The following ARHGAP42 variants were observed in gnomAD, a reference collection of about 807,000 sequenced individuals.
ARHGAP42 encodes the protein Rho GTPase activating protein 42, also known as rho GTPase-activating protein 42.
ARHGAP42 carries 63 observed loss-of-function variants against 125.0 expected under a neutral mutation model. That is an observed-to-expected ratio of 0.50 (90% CI 0.41 to 0.62). ARHGAP42 has a LOEUF of 0.62. Ranked by LOEUF, ARHGAP42 falls within the 20% of genes least tolerant of loss-of-function variation. ARHGAP42 has a pLI of 0.00. For synonymous variants in ARHGAP42, 339 were observed against 351.0 expected, an observed-to-expected ratio of 0.97 and a Z score of 0.38; for missense variants, 766 against 1,024.2, an observed-to-expected ratio of 0.75 and a Z score of 3.44.
At chr11:100,769,834 G>T (rs1053052569) in intron 1 of ARHGAP42, among the ~76,000 whole-genome samples, 1 of 150,924 alleles carries the variant, frequency 6.6e-6, no homozygotes, top group African/African-American at 2.4e-5. Flanking sequence ...CCAGGGGGAG[G>T]TGTAGGGGGA....
At position 100,971,639 on chromosome 11, in the gene ARHGAP42, C is replaced by T. The variant is rs117183210; in HGVS notation, c.1551-1536C>T. ...TTCAAAACCAAGTTTTTGAGATTCC[C>T]AAGTTTACTCCTAATGAGCTTAATA... On this transcript the variant is annotated intron_variant, in intron 17 of 23. Coordinates refer to ENST00000298815, the MANE Select transcript of ARHGAP42 (RefSeq NM_152432.4). Among the ~76,000 whole-genome samples, 637 of 152,232 alleles carry T rather than the reference C, an allele frequency of 4.2e-3. 1 individual carries two copies. Among genetic ancestry groups the T allele is most frequent in the Non-Finnish European group, 6.8e-3 (463 of 68,020 alleles).
At chr11:100,927,663 G>GCTCAATTGTAATAGAGATA (rs1867464415) in intron 6 of ARHGAP42, among the ~76,000 whole-genome samples, 2 of 152,274 alleles carry the variant, frequency 1.3e-5, no homozygotes, top group Middle Eastern at 3.4e-3. Flanking sequence ...GAGCTGTAAA[G>GCTCAATTGTAATAGAGATA]ATAAGCTGGC....
Position 100,993,067 on chromosome 11 carries a change from G to A in ARHGAP42, c.*4266G>A, listed in dbSNP as rs1221726460. ...CACCATTCAAGATGCCTGTGTACAC[G>A]GCTATTTGGGAAACTTAAGTGTTGG... On this transcript the variant is annotated 3_prime_UTR_variant, in exon 24 of 24. Coordinates refer to ENST00000298815, the MANE Select transcript of ARHGAP42 (RefSeq NM_152432.4). The A allele has an allele frequency of 1.0e-4, 19 of 188,670 alleles. No homozygotes were observed. 11.7% of individuals were successfully genotyped at this position (188,670 alleles called of 1,614,324 possible). A position where few individuals can be genotyped will look rare whatever the true frequency, so the allele number is the denominator to read the frequency against.
chr11:100,836,451 C>T (rs1565234841), intron 3 of ARHGAP42, among the ~76,000 whole-genome samples: 1 of 151,876 alleles, frequency 6.6e-6, no homozygotes, highest in Non-Finnish European at 1.5e-5. Context: ...ATTGACCATG[C>T]AATATTTATG....
intron 17 of ARHGAP42, among the ~76,000 whole-genome samples, chr11:100,971,301 T>A (rs1858239175): frequency 6.6e-6 from 1 of 152,198 alleles, no homozygotes; most frequent in African/African-American, 2.4e-5. Flanking sequence ...GTTCTACCAT[T>A]TCCATAAGTA....
intron 4 of ARHGAP42, among the ~76,000 whole-genome samples, chr11:100,873,036 C>T (rs781270349): frequency 7.2e-5 from 11 of 152,132 alleles, no homozygotes; most frequent in Non-Finnish European, 1.5e-4. Flanking sequence ...TCTGGCTAAC[C>T]AGGGGAGGCT....
chr11:100,928,015 C>T (rs909704681), intron 6 of ARHGAP42, among the ~76,000 whole-genome samples: 1 of 152,156 alleles, frequency 6.6e-6, no homozygotes, highest in Admixed American at 6.5e-5. Context: ...AACTCCTTTG[C>T]ACATCTATGC....
intron 6 of ARHGAP42, among the ~76,000 whole-genome samples, chr11:100,932,155 A>G (rs1867596964): frequency 6.6e-6 from 1 of 152,218 alleles, no homozygotes; most frequent in Non-Finnish European, 1.5e-5. Context: ...GTTGGAAATC[A>G]TAGCACATGT....
chr11:100,915,706 A>G (rs767314355), intron 5 of ARHGAP42, among the ~76,000 whole-genome samples: 1 of 152,188 alleles, frequency 6.6e-6, no homozygotes, highest in Non-Finnish European at 1.5e-5. Context: ...ATAATAGCAT[A>G]GTAACATCCT....
At chr11:100,958,648 G>A (rs1857871967) in intron 12 of ARHGAP42, among the ~76,000 whole-genome samples, 1 of 92,688 alleles carries the variant, frequency 1.1e-5, no homozygotes, top group Non-Finnish European at 2.4e-5. Context: ...CCAGTAGTTT[G>A]CATATATATT....
intron 1 of ARHGAP42, among the ~76,000 whole-genome samples, chr11:100,744,563 TGC>T (rs1012183717): frequency 6.6e-5 from 10 of 151,888 alleles, no homozygotes; most frequent in African/African-American, 2.2e-4. Flanking sequence ...TGTGTGTGTG[TGC>T]GTGCTTGTGT....
intron 3 of ARHGAP42, among the ~76,000 whole-genome samples, chr11:100,838,921 T>G (rs1404827278): frequency 1.3e-5 from 2 of 152,116 alleles, no homozygotes; most frequent in Non-Finnish European, 2.9e-5. Context: ...AGCCTTGCAC[T>G]AACTTCCACC....
intron 1 of ARHGAP42, among the ~76,000 whole-genome samples, chr11:100,764,933 G>A (rs1862794350): frequency 6.6e-6 from 1 of 152,190 alleles, no homozygotes; most frequent in African/African-American, 2.4e-5. Context: ...GGCAGTTAAA[G>A]GCAGAGATAG....
At chr11:100,754,031 C>G (rs1862520184) in intron 1 of ARHGAP42, among the ~76,000 whole-genome samples, 1 of 152,222 alleles carries the variant, frequency 6.6e-6, no homozygotes, top group East Asian at 1.9e-4. Context: ...TGCCTCTAAT[C>G]TGCTATTTTG....
At chr11:100,770,201 C>T (rs551138141) in intron 1 of ARHGAP42, 142 bp from the exon 2 acceptor site, 1 of 580,736 alleles carries the variant, frequency 1.7e-6, no homozygotes, top group Non-Finnish European at 2.9e-6. Context: ...TTAAAGGATT[C>T]TGGTTAAATT....
intron 1 of ARHGAP42, among the ~76,000 whole-genome samples, chr11:100,730,818 C>A (rs1015692989): frequency 2.0e-5 from 3 of 152,062 alleles, no homozygotes; most frequent in Non-Finnish European, 4.4e-5. Context: ...ATGATAAAGC[C>A]CATTGTTCCT....
At position 100,976,410 on chromosome 11, in the gene ARHGAP42, T is replaced by A; in HGVS notation, c.2209T>A (p.Ser737Thr). 2.0e-6 allele frequency: 3 copies of A among 1,537,110 alleles called. No individual in the cohort carries two copies. The highest frequency in any genetic ancestry group is 2.6e-6 in the Non-Finnish European group (3 of 1,142,560). ...LSGLKRASAS[S>T]LRSISAAEGN... Reference sequence around the variant, plus strand: ...AGGACTGAAAAGAGCTTCTGCTTCTTCTCTCAGATCCATCTCTGCAGCTGA... The same window carrying A: ...AGGACTGAAAAGAGCTTCTGCTTCTACTCTCAGATCCATCTCTGCAGCTGA... The change falls in exon 20 of 24, where the codon TCT becomes ACT. Residue 737 changes from serine to threonine, a missense_variant. This residue lies in a region of ARHGAP42 where 308 missense variants were observed against 369.7 expected (regional missense o/e 0.83). Coordinates refer to ENST00000298815, the MANE Select transcript of ARHGAP42 (RefSeq NM_152432.4).
At chr11:100,755,362 A>G (rs1862547863) in intron 1 of ARHGAP42, among the ~76,000 whole-genome samples, 2 of 152,248 alleles carry the variant, frequency 1.3e-5, no homozygotes, top group African/African-American at 4.8e-5. Flanking sequence ...TGAGTCTTAG[A>G]TTATAGATAA....
chr11:100,912,166 C>T (rs1441552637), intron 4 of ARHGAP42, among the ~76,000 whole-genome samples: 1 of 152,098 alleles, frequency 6.6e-6, no homozygotes, highest in East Asian at 1.9e-4. Flanking sequence ...ATTTGACAAC[C>T]TCAGAATAGC....
Sources: allele counts gnomAD v4.1 joint callset (sites outside exome capture counted in the v4.1 genomes callset), GRCh38; gene constraint gnomAD v4.1.1; regional missense constraint gnomAD v4.1.1; transcripts MANE v1.5; gene names NCBI Gene and HGNC (gene_info 2026-07-23, HGNC 2026-07-21).